Variants in CDH23 observed in about 807,000 individuals in gnomAD.
The protein encoded by CDH23 is cadherin related 23, also known as cadherin-23.
CDH23 carries 189 observed loss-of-function variants against 317.1 expected under a neutral mutation model. The observed-to-expected ratio is 0.60, with a 90% CI of 0.53 to 0.67. CDH23 has a LOEUF of 0.67. Ranked by LOEUF, CDH23 falls within the 30% of genes least tolerant of loss-of-function variation. The pLI is 0.00. For missense variants in CDH23, 4,401 were observed against 4,592.4 expected (o/e 0.96, Z 1.20); for synonymous variants, 1,839 against 1,876.8 (o/e 0.98, Z 0.52).
At chr10:71,556,031 G>T (rs1170466673) in intron 6 of CDH23, among the ~76,000 whole-genome samples, 1 of 152,218 alleles carries the variant, frequency 6.6e-6, no homozygotes, top group Non-Finnish European at 1.5e-5. Flanking sequence ...CCAAAGGAAG[G>T]CAGGTCAAAA....
At chr10:71,623,833 A>G (rs1453533936) in intron 11 of CDH23, among the ~76,000 whole-genome samples, 1 of 152,084 alleles carries the variant, frequency 6.6e-6, no homozygotes, top group Non-Finnish European at 1.5e-5. Flanking sequence ...TGTGATTTCA[A>G]ATCAGCCCAG....
In CDH23 at chr10:71,738,552, T is replaced by G; in HGVS notation, c.4264T>G (p.Ser1422Ala). The change falls in exon 35 of 70, where the codon TCC becomes GCC. Residue 1422 changes from serine (S) to alanine (A), a missense_variant. Ser to Ala is a moderately conservative substitution (Grantham distance 99). This residue lies in a region of CDH23 where 3,068 missense variants were observed against 3,203.3 expected (regional missense o/e 0.96). Coordinates refer to ENST00000224721, the MANE Select transcript of CDH23 (RefSeq NM_022124.6). ...NDNSPRFDFTSDSAVSIPEDC... is the reference protein window; with the variant it reads ...NDNSPRFDFTADSAVSIPEDC... ...CAACAGCCCCCGGTTTGACTTCACC[T>G]CCGACTCGGCGGTCAGCATACCCGA... is the stretch of plus-strand genomic sequence containing the variant. 1 of 1,613,924 alleles carries G rather than the reference T, an allele frequency of 6.2e-7. No individual in the cohort carries two copies. The highest frequency in any genetic ancestry group is 8.5e-7 in the Non-Finnish European group (1 of 1,179,886).
intron 14 of CDH23, among the ~76,000 whole-genome samples, chr10:71,650,434 G>A (rs747957933): frequency 7.2e-5 from 11 of 152,210 alleles, no homozygotes; most frequent in Non-Finnish European, 1.3e-4. Context: ...GCAGGCATGT[G>A]AGGTATGCTT....
At chr10:71,598,206 T>C (rs1859987524) in intron 9 of CDH23, among the ~76,000 whole-genome samples, 1 of 152,098 alleles carries the variant, frequency 6.6e-6, no homozygotes, top group Non-Finnish European at 1.5e-5. Flanking sequence ...GGAGAGTGAG[T>C]ACATCTGGGC....
At chr10:71,534,552 C>A (rs1394432396) in intron 6 of CDH23, among the ~76,000 whole-genome samples, 1 of 152,180 alleles carries the variant, frequency 6.6e-6, no homozygotes, top group Non-Finnish European at 1.5e-5. Context: ...TCCTAAAGTT[C>A]AGAAGAATCC....
intron 1 of CDH23, among the ~76,000 whole-genome samples, chr10:71,417,497 A>G (rs918451463): frequency 6.6e-6 from 1 of 152,126 alleles, no homozygotes; most frequent in African/African-American, 2.4e-5. Flanking sequence ...TTTATTTTCA[A>G]CTATTGCTTC....
chr10:71,792,672 A>C (rs995075180), intron 47 of CDH23, among the ~76,000 whole-genome samples: 2 of 151,408 alleles, frequency 1.3e-5, no homozygotes, highest in African/African-American at 2.4e-5. Context: ...AATACAAAAA[A>C]TTAGCCAGGC....
Position 71,812,796 on chromosome 10 carries a change from T to C in CDH23, c.9539T>C (p.Val3180Ala), listed in dbSNP as rs1841985284. 6.2e-7 allele frequency: 1 copy of C among 1,613,394 alleles called. No individual in the cohort carries two copies. Among genetic ancestry groups the C allele is most frequent in the Non-Finnish European group, 8.5e-7 (1 of 1,179,608 alleles). ...ACTTTTGGGCGTGAGCCAGCAGCTG[T>C]CAAGCCTGATGATGACCGATACCTG... is the stretch of plus-strand genomic sequence containing the variant. ...HGTFGREPAA[V>A]KPDDDRYLRA... Residue 3180 changes from valine to alanine, a missense_variant, in exon 68 of 70, where the codon GTC becomes GCC. Physicochemically the swap from Val to Ala is moderately conservative, Grantham distance 64. Transcript: ENST00000224721.
At chr10:71,609,995 T>TGTGTGTGTGTGTGTGAGAGAGA (rs3222215) in intron 9 of CDH23, among the ~76,000 whole-genome samples, 1 of 140,822 alleles carries the variant, frequency 7.1e-6, no homozygotes, top group African/African-American at 2.6e-5. Flanking sequence ...TGTGTGTGTG[T>TGTGTGTGTGTGTGTGAGAGAGA]GAGAGAGACA....
At chr10:71,790,498 A>G (rs775216558) in intron 46 of CDH23, 85 bp downstream of exon 46, 5 of 1,525,032 alleles carry the variant, frequency 3.3e-6, no homozygotes, top group Non-Finnish European at 3.5e-6. Context: ...CTCCCTTCTC[A>G]GTGCTGGACC....
At chr10:71,622,837 G>A in intron 11 of CDH23, 1 of 608,474 alleles carries the variant, frequency 1.6e-6, no homozygotes, top group African/African-American at 2.0e-5. Flanking sequence ...TAGGGATTGG[G>A]ACACCACTCT....
In CDH23 at chr10:71,712,825, G is replaced by C. The variant is rs187975106; in HGVS notation, c.3369+12G>C. 6.2e-7 allele frequency: 1 copy of C among 1,608,272 alleles called. No homozygotes were observed. The highest frequency in any genetic ancestry group is 1.7e-5 in the Admixed American group (1 of 59,156). ...ACAGCATCTTGCAGGCAGGTGGCCC[G>C]TGGCCTCTGGGGCAGGTGGTGGGCT... On this transcript the variant is annotated intron_variant, in intron 28 of 69. Coordinates refer to ENST00000224721, the MANE Select transcript of CDH23 (RefSeq NM_022124.6).
chr10:71,646,922 C>A (rs1862921049), intron 14 of CDH23: 4 of 1,410,758 alleles, frequency 2.8e-6, no homozygotes, highest in Middle Eastern at 2.6e-4. Context: ...CTGGAAGCCC[C>A]CTCAAATGGG....
At chr10:71,650,243 T>C (rs927246713) in intron 14 of CDH23, among the ~76,000 whole-genome samples, 6 of 152,182 alleles carry the variant, frequency 3.9e-5, no homozygotes, top group African/African-American at 1.2e-4. Context: ...TTTTCACTGA[T>C]GGAGAAACCA....
At chr10:71,677,403 A>C in intron 15 of CDH23, 53 bp from the exon 16 acceptor site, 4 of 1,439,422 alleles carry the variant, frequency 2.8e-6, no homozygotes, top group Non-Finnish European at 3.8e-6. Flanking sequence ...CCCATCAACA[A>C]GCCTGTTTTA....
intron 38 of CDH23, among the ~76,000 whole-genome samples, chr10:71,753,638 G>A (rs1840061675): frequency 6.6e-6 from 1 of 152,042 alleles, no homozygotes; most frequent in African/African-American, 2.4e-5. Flanking sequence ...TCAGCCTTGG[G>A]ACACCCCACC....
At chr10:71,546,541 A>T (rs1323355430) in intron 6 of CDH23, among the ~76,000 whole-genome samples, 1 of 152,224 alleles carries the variant, frequency 6.6e-6, no homozygotes, top group Non-Finnish European at 1.5e-5. Context: ...GGCTTTCCAG[A>T]GGAGGTGATA....
At chr10:71,576,075 A>C (rs547814494) in intron 8 of CDH23, among the ~76,000 whole-genome samples, 128 of 152,284 alleles carry the variant, frequency 8.4e-4, no homozygotes, top group African/African-American at 2.7e-3. Flanking sequence ...CTGCCCGCCC[A>C]GGGGGCCTCT....
At chr10:71,558,073 C>G (rs531715321) in intron 6 of CDH23, among the ~76,000 whole-genome samples, 103 of 128,020 alleles carry the variant, frequency 8.0e-4, no homozygotes, top group Non-Finnish European at 1.5e-3. Context: ...TCTTGGCTCA[C>G]TGCAACATCT....
Sources: gnomAD v4.1 joint callset for allele counts (sites outside exome capture counted in the v4.1 genomes callset) on GRCh38, gnomAD v4.1.1 for gene constraint, gnomAD v4.1.1 regional missense constraint, MANE v1.5 for transcripts, NCBI Gene and HGNC (gene_info 2026-07-23, HGNC 2026-07-21) for gene names.